Variants in PPP1R14C observed in about 807,000 individuals in gnomAD.
PPP1R14C encodes the protein protein phosphatase 1 regulatory subunit 14C.
PPP1R14C carries 16 observed loss-of-function variants against 20.4 expected under a neutral mutation model. That is an observed-to-expected ratio of 0.78 (90% CI 0.53 to 1.19). The LOEUF (loss-of-function observed/expected upper bound fraction) is 1.19. Among genes scored for constraint, PPP1R14C ranks in the 50% most tolerant of loss-of-function variants. PPP1R14C has a pLI of 0.00. For missense variants in PPP1R14C, 211 were observed against 220.1 expected, an observed-to-expected ratio of 0.96 and a Z score of 0.26; for synonymous variants, 91 against 91.0, an observed-to-expected ratio of 1.00 and a Z score of 0.00.
At chr6:150,225,869 C>T (rs1234590312) in intron 3 of PPP1R14C, among the ~76,000 whole-genome samples, 1 of 152,310 alleles carries the variant, frequency 6.6e-6, no homozygotes, top group East Asian at 1.9e-4. Flanking sequence ...TAATGCTTGC[C>T]TATCACATGT....
intron 1 of PPP1R14C, among the ~76,000 whole-genome samples, chr6:150,174,280 T>C (rs371191182): frequency 5.4e-4 from 82 of 152,180 alleles, no homozygotes; most frequent in Middle Eastern, 3.4e-3. Context: ...AGTGCAGTGG[T>C]GCGATCTCGG....
In PPP1R14C at chr6:150,143,106, G is replaced by C. The variant is rs1046125525; in HGVS notation, c.-87G>C. The C allele has an allele frequency of 6.8e-5, 78 of 1,151,256 alleles. No homozygotes were observed. Among genetic ancestry groups the C allele is most frequent in the Non-Finnish European group, 8.1e-5 (76 of 940,462 alleles). The allele number at this position is 1,151,256 out of a possible 1,614,324, so 71.3% of individuals were successfully genotyped here. A position where few individuals can be genotyped will look rare whatever the true frequency, so the allele number is the denominator to read the frequency against. On this transcript the variant is annotated 5_prime_UTR_variant, in exon 1 of 4. Transcript: ENST00000361131. This position sits in a 1 kb window ranked among gnomAD's most constrained non-coding sequence, Gnocchi z 5.6. ...AGGTGCCGGGGAGCCCTTCGCATGC[G>C]GCTGCCGGGCCGGAGGTGGTAGCGG... is the stretch of plus-strand genomic sequence containing the variant.
chr6:150,247,769 A>G (rs950139836), intron 3 of PPP1R14C, among the ~76,000 whole-genome samples: 2 of 152,200 alleles, frequency 1.3e-5, no homozygotes, highest in Non-Finnish European at 2.9e-5. Context: ...GATAAGTAGC[A>G]TCAGTGTCAC....
Position 150,249,723 on chromosome 6 carries a change from G to A in PPP1R14C, c.*903G>A. On this transcript the variant is annotated 3_prime_UTR_variant, in exon 4 of 4. Coordinates refer to ENST00000361131, the MANE Select transcript of PPP1R14C (RefSeq NM_030949.3). ...AGTACTGTGTTTATTCTCTCTCCAG[G>A]AAAGCAGATCAAAAGAAAGTTAGCA... is the stretch of plus-strand genomic sequence containing the variant. 1 of 396,676 alleles carries A rather than the reference G, an allele frequency of 2.5e-6. No individual in the cohort carries two copies. The highest frequency in any genetic ancestry group is 4.4e-6 in the Non-Finnish European group (1 of 225,380). The allele number at this position is 396,676 out of a possible 1,614,324, so 24.6% of individuals were successfully genotyped here. A position where few individuals can be genotyped will look rare whatever the true frequency, so the allele number is the denominator to read the frequency against.
At position 150,205,568 on chromosome 6, in the gene PPP1R14C, G is replaced by A. The variant is rs531881404; in HGVS notation, c.307-9176G>A. On this transcript the variant is annotated intron_variant, in intron 1 of 3. Transcript: ENST00000361131. ...TCATGCTTGGGAGGCTGAGGTGGGC[G>A]GATCACTTGATGTCAGGAGTTTGAG... Among the ~76,000 whole-genome samples the A allele has an allele frequency of 2.0e-4, 30 of 152,028 alleles. 1 individual carries two copies. The highest frequency in any genetic ancestry group is 1.5e-3 in the South Asian group (7 of 4,808).
intron 1 of PPP1R14C, among the ~76,000 whole-genome samples, chr6:150,157,147 T>C (rs1777314563): frequency 6.6e-6 from 1 of 152,222 alleles, no homozygotes; most frequent in Non-Finnish European, 1.5e-5. Flanking sequence ...ACTGACACCT[T>C]ACTATAAACT....
intron 1 of PPP1R14C, among the ~76,000 whole-genome samples, chr6:150,172,317 A>G (rs976124633): frequency 6.6e-6 from 1 of 152,218 alleles, no homozygotes; most frequent in African/African-American, 2.4e-5. Context: ...TCCCTAGGCC[A>G]GGGAGACTAG....
rs573753176 is a variant in PPP1R14C at position 150,178,093 on chromosome 6, C to T, written c.306+34595C>T. On this transcript the variant is annotated intron_variant, in intron 1 of 3. Coordinates refer to ENST00000361131, the MANE Select transcript of PPP1R14C (RefSeq NM_030949.3). ...GTCTCCTGGAGCCGCGGCTGGCCCT[C>T]ACCCCCCATGCAGCCTCCGCGAGGC... Among the ~76,000 whole-genome samples the T allele has an allele frequency of 3.9e-5, 6 of 152,314 alleles. No homozygotes were observed. In the East Asian group the frequency reaches 7.7e-4, roughly 20 times the overall value.
intron 1 of PPP1R14C, among the ~76,000 whole-genome samples, chr6:150,170,725 G>A (rs1777488812): frequency 6.6e-6 from 1 of 150,584 alleles, no homozygotes; most frequent in Non-Finnish European, 1.5e-5. Flanking sequence ...AGAGAGAAGA[G>A]TGATACGTGA....
chr6:150,203,854 A>C (rs1035912423), intron 1 of PPP1R14C, among the ~76,000 whole-genome samples: 2 of 152,184 alleles, frequency 1.3e-5, no homozygotes, highest in Admixed American at 1.3e-4. Flanking sequence ...CTCAATCCCT[A>C]AATTAATGGC....
Position 150,186,258 on chromosome 6 carries a change from T to C in PPP1R14C, c.307-28486T>C, listed in dbSNP as rs1185711344. Among the ~76,000 whole-genome samples the C allele has an allele frequency of 2.0e-5, 3 of 152,286 alleles. 1 individual carries two copies. Among genetic ancestry groups the C allele is most frequent in the South Asian group, 4.1e-4 (2 of 4,820 alleles). ...AGCAAACAGGCGGTTCCTCTAGGTATGGTCTTCAAAAGCCCTCAGGAGCAA... is the reference window on the plus strand; with the variant it reads ...AGCAAACAGGCGGTTCCTCTAGGTACGGTCTTCAAAAGCCCTCAGGAGCAA... On this transcript the variant is annotated intron_variant, in intron 1 of 3. Transcript: ENST00000361131.
intron 1 of PPP1R14C, among the ~76,000 whole-genome samples, chr6:150,188,379 A>G (rs1777701121): frequency 6.6e-6 from 1 of 152,086 alleles, no homozygotes; most frequent in Non-Finnish European, 1.5e-5. Flanking sequence ...ATTGAAGGTG[A>G]ATTGGAATTT....
At chr6:150,218,485 C>A (rs545802016) in intron 3 of PPP1R14C, among the ~76,000 whole-genome samples, 20,244 of 125,708 alleles carry the variant, frequency 0.16, 1,887 homozygotes, top group African/African-American at 0.22. Flanking sequence ...CCCCCCCCCC[C>A]AAAAAAAAAT....
At position 150,194,744 on chromosome 6, in the gene PPP1R14C, T is replaced by C. The variant is rs1411886430; in HGVS notation, c.307-20000T>C. 4.1e-6 allele frequency: 4 copies of C among 985,426 alleles called. No individual in the cohort carries two copies. In the African/African-American group the frequency reaches 7.0e-5, roughly 17 times the overall value. The allele number at this position is 985,426 out of a possible 1,614,324, so 61.0% of individuals were successfully genotyped here. A position where few individuals can be genotyped will look rare whatever the true frequency, so the allele number is the denominator to read the frequency against. ...TAAAACGTAAAAGAGGCTCTTATAA[T>C]TTGTTGCATAGTTTAAGACCCTGTT... is the stretch of plus-strand genomic sequence containing the variant. On this transcript the variant is annotated intron_variant, in intron 1 of 3. Transcript: ENST00000361131.
rs558674984 is a variant in PPP1R14C at position 150,167,374 on chromosome 6, G to A, written c.306+23876G>A. Reference sequence around the variant, plus strand: ...CAGAGCAAGACTCCGTCTCGGGGGGGAAAAAAACAAAAAGCAGAAAGAGTA... The same window carrying A: ...CAGAGCAAGACTCCGTCTCGGGGGGAAAAAAAACAAAAAGCAGAAAGAGTA... On this transcript the variant is annotated intron_variant, in intron 1 of 3. Transcript: ENST00000361131. Among the ~76,000 whole-genome samples the A allele has an allele frequency of 5.0e-4, 76 of 151,856 alleles. 1 individual carries two copies. In the South Asian group the frequency reaches 0.014, roughly 29 times the overall value.
In PPP1R14C at chr6:150,143,476, T is replaced by C. The variant is rs763375982; in HGVS notation, c.284T>C (p.Leu95Pro). ...LVLEEWIVEQ[L>P]GQLYGCEEEE... ...CTGGAGGAATGGATCGTGGAGCAGCTGGGTCAGCTCTACGGCTGCGAGGTA... is the reference window on the plus strand; with the variant it reads ...CTGGAGGAATGGATCGTGGAGCAGCCGGGTCAGCTCTACGGCTGCGAGGTA... The change falls in exon 1 of 4, where the codon CTG becomes CCG. Residue 95 changes from leucine (L) to proline (P), a missense_variant. Physicochemically the swap from Leu to Pro is moderately conservative, Grantham distance 98. Transcript: ENST00000361131. The surrounding 1 kb of genome is among the most constrained non-coding windows in gnomAD (Gnocchi z 5.6). The C allele has an allele frequency of 6.5e-7, 1 of 1,529,486 alleles. No homozygotes were observed. Among genetic ancestry groups the C allele is most frequent in the Non-Finnish European group, 8.8e-7 (1 of 1,130,376 alleles). The allele number at this position is 1,529,486 out of a possible 1,614,324, so 94.7% of individuals were successfully genotyped here. A position where few individuals can be genotyped will look rare whatever the true frequency, so the allele number is the denominator to read the frequency against.
intron 1 of PPP1R14C, among the ~76,000 whole-genome samples, chr6:150,168,402 G>A (rs937923955): frequency 1.3e-5 from 2 of 151,840 alleles, no homozygotes; most frequent in South Asian, 2.1e-4. Flanking sequence ...GCGTAGTGGC[G>A]GGCGCCTGTA....
Position 150,205,670 on chromosome 6 carries a change from G to A in PPP1R14C, c.307-9074G>A, listed in dbSNP as rs140468864. Among the ~76,000 whole-genome samples, 1,177 of 151,854 alleles carry A rather than the reference G, an allele frequency of 7.8e-3. 14 individuals are homozygous for A. Among genetic ancestry groups the A allele is most frequent in the African/African-American group, 0.027 (1,104 of 41,394 alleles). ...TAGCTGGGTGTGGTGGCAGGCACCT[G>A]TAATCTCAGCTACTTGGGAGGCTGA... On this transcript the variant is annotated intron_variant, in intron 1 of 3. Coordinates refer to ENST00000361131, the MANE Select transcript of PPP1R14C (RefSeq NM_030949.3).
intron 1 of PPP1R14C, among the ~76,000 whole-genome samples, chr6:150,149,201 T>G (rs1388141426): frequency 6.6e-6 from 1 of 152,122 alleles, no homozygotes; most frequent in Non-Finnish European, 1.5e-5. Flanking sequence ...TGCTTTGAAG[T>G]GCGATGAACC....
Sources: gnomAD v4.1 joint callset for allele counts (sites outside exome capture counted in the v4.1 genomes callset) on GRCh38, gnomAD v4.1.1 for gene constraint, Gnocchi (gnomAD v3.1) non-coding constraint, MANE v1.5 for transcripts, NCBI Gene and HGNC (gene_info 2026-07-23, HGNC 2026-07-21) for gene names.